The following HMGCS1 variants were observed in gnomAD, a reference collection of about 807,000 sequenced individuals.
HMGCS1 encodes the protein hydroxymethylglutaryl-CoA synthase, cytoplasmic.
Under a neutral mutation model 52.3 loss-of-function variants are expected in HMGCS1, and 9 were observed. That is an observed-to-expected ratio of 0.17 (90% confidence interval 0.10 to 0.30). The LOEUF is 0.30. Among genes scored for constraint, HMGCS1 ranks in the 10% least tolerant of loss-of-function variants. The pLI is 1.00. For synonymous variants in HMGCS1, 176 were observed against 214.4 expected (o/e 0.82, Z 1.57); for missense variants, 320 against 620.9 (o/e 0.52, Z 5.15).
intron 1 of HMGCS1, among the ~76,000 whole-genome samples, chr5:43,310,968 C>T (rs1167766828): frequency 6.6e-6 from 1 of 152,214 alleles, no homozygotes; most frequent in Non-Finnish European, 1.5e-5. Context: ...GGTGTAACTA[C>T]ACCCAGTTGA....
In HMGCS1 at chr5:43,293,002, A is replaced by G. The variant is rs568040303; in HGVS notation, c.1184-29T>C. ...AAATAGTGAATAATTCAACATTAAA[A>G]GATTTTTTTGAAAAATCATGTCCAA... On this transcript the variant is annotated intron_variant, in intron 8 of 10. Coordinates refer to ENST00000325110, the MANE Select transcript of HMGCS1 (RefSeq NM_001098272.3). The G allele has an allele frequency of 1.2e-5, 18 of 1,554,914 alleles. No homozygotes were observed. In the African/African-American group the frequency reaches 2.2e-4, roughly 19 times the overall value.
chr5:43,307,243 T>C (rs1328495417), intron 2 of HMGCS1, among the ~76,000 whole-genome samples: 1 of 152,074 alleles, frequency 6.6e-6, no homozygotes, highest in East Asian at 1.9e-4. Flanking sequence ...GCTAATTTTT[T>C]TGTATTTTTA....
Position 43,290,979 on chromosome 5 carries a change from C to T in HMGCS1, c.*152G>A, listed in dbSNP as rs1012314120. The stretch of plus-strand genomic sequence containing the variant: ...GAGCAAAGAGACTTTCCCAAGTACA[C>T]GATAGTCATCCAGGCTCCATGTCAG... On this transcript the variant is annotated 3_prime_UTR_variant, in exon 11 of 11. Coordinates refer to ENST00000325110, the MANE Select transcript of HMGCS1 (RefSeq NM_001098272.3). The T allele has an allele frequency of 2.3e-4, 135 of 589,286 alleles. No homozygotes were observed. The highest frequency in any genetic ancestry group is 4.5e-4 in the Middle Eastern group (1 of 2,246). 36.5% of individuals were successfully genotyped at this position (589,286 alleles called of 1,614,324 possible).
Position 43,288,998 on chromosome 5 carries a change from T to A in HMGCS1, c.*2133A>T, listed in dbSNP as rs1220112329. On this transcript the variant is annotated 3_prime_UTR_variant, in exon 11 of 11. Coordinates refer to ENST00000325110, the MANE Select transcript of HMGCS1 (RefSeq NM_001098272.3). ...GGGCAGTTCTACGTTCACCACTAAA[T>A]TTGCTCTTATTTGATTGCCAGCCCT... 3.3e-5 allele frequency: 5 copies of A among 152,204 alleles called. No individual in the cohort carries two copies. The highest frequency in any genetic ancestry group is 5.9e-5 in the Non-Finnish European group (4 of 68,040). 9.4% of individuals were successfully genotyped at this position (152,204 alleles called of 1,614,324 possible). A position where few individuals can be genotyped will look rare whatever the true frequency, so the allele number is the denominator to read the frequency against.
At chr5:43,294,998 T>TTAGATTGCTG in intron 6 of HMGCS1, 137 bp from the exon 7 acceptor site, 1 of 525,216 alleles carries the variant, frequency 1.9e-6, no homozygotes, top group Non-Finnish European at 3.3e-6. Context: ...GTAGCAGCAA[T>TTAGATTGCTG]CTAATTGCTA....
intron 7 of HMGCS1, 87 bp from the exon 8 acceptor site, chr5:43,294,249 A>T: frequency 1.3e-6 from 1 of 785,992 alleles, no homozygotes. Flanking sequence ...ATAAAAATTT[A>T]GGCTATAAGT....
At chr5:43,307,656 G>T (rs1052019899) in intron 2 of HMGCS1, 110 bp downstream of exon 2, 1 of 152,190 alleles carries the variant, frequency 6.6e-6, no homozygotes, top group Non-Finnish European at 1.5e-5. Context: ...CCTAAAAGGG[G>T]TTTTAAGAAC....
At chr5:43,307,467 CTGAT>C (rs1419954336) in intron 2 of HMGCS1, among the ~76,000 whole-genome samples, 1 of 152,130 alleles carries the variant, frequency 6.6e-6, no homozygotes, top group African/African-American at 2.4e-5. Flanking sequence ...ATGTTTACCT[CTGAT>C]TGTTTCTGAT....
chr5:43,301,251 G>A (rs1233188869), intron 2 of HMGCS1, among the ~76,000 whole-genome samples: 1 of 152,192 alleles, frequency 6.6e-6, no homozygotes, highest in African/African-American at 2.4e-5. Context: ...CTATTGGAAT[G>A]AAATGTGAGC....
chr5:43,293,700 A>C (rs1299313645), intron 8 of HMGCS1: 1 of 168,722 alleles, frequency 5.9e-6, no homozygotes, highest in Non-Finnish European at 1.3e-5. Context: ...ACTTCCCCAG[A>C]GTAGTTCTCA....
intron 1 of HMGCS1, among the ~76,000 whole-genome samples, chr5:43,308,731 C>T (rs1754704405): frequency 6.6e-6 from 1 of 152,196 alleles, no homozygotes; most frequent in Non-Finnish European, 1.5e-5. Context: ...TATTTAATTA[C>T]TGGCAAATTT....
chr5:43,306,127 G>A (rs1754562828), intron 2 of HMGCS1, among the ~76,000 whole-genome samples: 1 of 152,178 alleles, frequency 6.6e-6, no homozygotes, highest in Non-Finnish European at 1.5e-5. Context: ...TCTCATTAAA[G>A]TGAAGGCTCA....
At chr5:43,311,227 T>C (rs1754847033) in intron 1 of HMGCS1, among the ~76,000 whole-genome samples, 1 of 149,284 alleles carries the variant, frequency 6.7e-6, no homozygotes, top group Non-Finnish European at 1.5e-5. Context: ...CTTGGGAGGC[T>C]GAGGCAGGAG....
At position 43,290,945 on chromosome 5, in the gene HMGCS1, C is replaced by T. The variant is rs1753729395; in HGVS notation, c.*186G>A. 1 of 551,792 alleles carries T rather than the reference C, an allele frequency of 1.8e-6. No individual in the cohort carries two copies. Among genetic ancestry groups the T allele is most frequent in the African/African-American group, 1.9e-5 (1 of 53,396 alleles). The allele number at this position is 551,792 out of a possible 1,614,324, so 34.2% of individuals were successfully genotyped here. ...GGCCAGACCACAACAGGAAGCATGT[C>T]AGCAAATAGAGCAAAGAGACTTTCC... is the stretch of plus-strand genomic sequence containing the variant. On this transcript the variant is annotated 3_prime_UTR_variant, in exon 11 of 11. Coordinates refer to ENST00000325110, the MANE Select transcript of HMGCS1 (RefSeq NM_001098272.3).
chr5:43,298,036 G>C lies in HMGCS1; in HGVS notation c.547C>G (p.Pro183Ala). 1 of 1,613,590 alleles carries C rather than the reference G, an allele frequency of 6.2e-7. No individual in the cohort carries two copies. The highest frequency in any genetic ancestry group is 8.5e-7 in the Non-Finnish European group (1 of 1,179,810). The change falls in exon 4 of 11, where the codon CCA becomes GCA. Residue 183 changes from proline (P) to alanine (A), a missense_variant. Pro to Ala is a conservative substitution (Grantham distance 27). Transcript: ENST00000325110. This position sits in a 1 kb window ranked among gnomAD's most constrained non-coding sequence, Gnocchi z 5.6. Reference sequence around the variant, plus strand: ...CGTTCAAAAATTAAAGGAGCATTTGGCCCAATTAGCAGAGCTACTGCTCCA... The same window carrying C: ...CGTTCAAAAATTAAAGGAGCATTTGCCCCAATTAGCAGAGCTACTGCTCCA... ...GVGAVALLIG[P>A]NAPLIFERGL... is the part of the protein sequence containing the mutation.
At chr5:43,293,072 T>A in intron 8 of HMGCS1, 99 bp from the exon 9 acceptor site, 1 of 942,736 alleles carries the variant, frequency 1.1e-6, no homozygotes, top group East Asian at 2.5e-5. Context: ...AAACAACTTT[T>A]CATTTTCATT....
intron 4 of HMGCS1, 85 bp from the exon 5 acceptor site, chr5:43,297,251 C>A: frequency 9.1e-7 from 1 of 1,094,328 alleles, no homozygotes; most frequent in Non-Finnish European, 1.3e-6. Context: ...TATCTAAGGA[C>A]CTTCCTTAAC....
At chr5:43,296,676 G>A (rs1200071425) in intron 5 of HMGCS1, among the ~76,000 whole-genome samples, 2 of 152,166 alleles carry the variant, frequency 1.3e-5, no homozygotes, top group African/African-American at 4.8e-5. Context: ...CTGAATCACA[G>A]CTGTAGTCCA....
At chr5:43,297,942 A>G in intron 4 of HMGCS1, 67 bp downstream of exon 4, 2 of 1,460,588 alleles carry the variant, frequency 1.4e-6, no homozygotes, top group South Asian at 2.4e-5. Context: ...GACAGCTCCT[A>G]CTTCTATTTT....
Sources: allele counts gnomAD v4.1 joint callset (sites outside exome capture counted in the v4.1 genomes callset), GRCh38; gene constraint gnomAD v4.1.1; non-coding constraint Gnocchi (gnomAD v3.1); transcripts MANE v1.5; gene names NCBI Gene and HGNC (gene_info 2026-07-23, HGNC 2026-07-21).